The following LOC128092253 variants were observed in gnomAD, a reference collection of about 807,000 sequenced individuals.
At chr6:133,973,956 C>CAT in the LOC128092253 span, among the ~76,000 whole-genome samples, 1,483 of 142,450 alleles carry the variant, frequency 0.01, 19 homozygotes, top group African/African-American at 0.034. Flanking sequence ...TTAAACCTAA[C>CAT]ATATATATAT....
the LOC128092253 span, among the ~76,000 whole-genome samples, chr6:133,965,651 C>G: frequency 6.6e-6 from 1 of 150,954 alleles, no homozygotes; most frequent in East Asian, 1.9e-4. Context: ...GTGCTTTTTT[C>G]AGTACTCATT....
the LOC128092253 span, among the ~76,000 whole-genome samples, chr6:133,976,109 T>TAC: frequency 6.6e-6 from 1 of 152,212 alleles, no homozygotes; most frequent in African/African-American, 2.4e-5. Flanking sequence ...TCATGAATGT[T>TAC]GTGTCAAAGG....
At chr6:133,966,123 G>A in the LOC128092253 span, among the ~76,000 whole-genome samples, 9 of 151,998 alleles carry the variant, frequency 5.9e-5, no homozygotes, top group Non-Finnish European at 1.2e-4. Context: ...TGTGTGTGTC[G>A]TGTGGGTGTG....
the LOC128092253 span, among the ~76,000 whole-genome samples, chr6:133,972,197 A>C: frequency 6.6e-6 from 1 of 152,218 alleles, no homozygotes; most frequent in South Asian, 2.1e-4. Flanking sequence ...ATTTGAGTCT[A>C]CATCTCTAAA....
chr6:133,975,658 A>G, the LOC128092253 span, among the ~76,000 whole-genome samples: 2 of 152,246 alleles, frequency 1.3e-5, no homozygotes. Flanking sequence ...AGCAAACCAG[A>G]TTCATCAATA....
the LOC128092253 span, among the ~76,000 whole-genome samples, chr6:133,979,794 G>T: frequency 6.6e-6 from 1 of 151,942 alleles, no homozygotes; most frequent in Non-Finnish European, 1.5e-5. Context: ...TTACAGACAT[G>T]CACCATCATG....
the LOC128092253 span, among the ~76,000 whole-genome samples, chr6:133,960,239 C>A: frequency 6.6e-6 from 1 of 152,272 alleles, no homozygotes; most frequent in East Asian, 1.9e-4. Context: ...TTCATTAGAC[C>A]TTCCTCAACA....
chr6:133,972,938 C>T, the LOC128092253 span, among the ~76,000 whole-genome samples: 3 of 152,056 alleles, frequency 2.0e-5, no homozygotes, highest in East Asian at 1.9e-4. Flanking sequence ...ATTTAGAGAG[C>T]GGTTAGGTAA....
At chr6:133,976,900 G>A in the LOC128092253 span, among the ~76,000 whole-genome samples, 2 of 151,606 alleles carry the variant, frequency 1.3e-5, no homozygotes, top group Non-Finnish European at 2.9e-5. Context: ...TCCAGGAGGC[G>A]GAGGTTGCCG....
the LOC128092253 span, among the ~76,000 whole-genome samples, chr6:133,953,817 G>T: frequency 3.0e-4 from 45 of 152,292 alleles, no homozygotes; most frequent in African/African-American, 1.0e-3. Context: ...CAGGGGAAGA[G>T]GGACCGTGCA....
chr6:133,963,191 A>T, the LOC128092253 span, among the ~76,000 whole-genome samples: 151,161 of 152,322 alleles, frequency 0.99, 75,009 homozygotes, highest in East Asian at 1. Flanking sequence ...TGTTCTCTGA[A>T]AAACAGTACT....
At chr6:133,970,827 T>G in the LOC128092253 span, among the ~76,000 whole-genome samples, 6 of 152,204 alleles carry the variant, frequency 3.9e-5, no homozygotes, top group East Asian at 1.2e-3. Context: ...TTTTTTATTT[T>G]TTAATTGACA....
the LOC128092253 span, among the ~76,000 whole-genome samples, chr6:133,967,759 T>C: frequency 3.7e-3 from 567 of 152,312 alleles, 14 homozygotes; most frequent in Admixed American, 0.035. Flanking sequence ...AGGCAGCACA[T>C]GACTGTGTTT....
At chr6:133,962,104 TG>T in the LOC128092253 span, among the ~76,000 whole-genome samples, 1 of 152,162 alleles carries the variant, frequency 6.6e-6, no homozygotes, top group Non-Finnish European at 1.5e-5. Flanking sequence ...AGTCTGTTAT[TG>T]GAAGAGGAAT....
the LOC128092253 span, among the ~76,000 whole-genome samples, chr6:133,959,302 A>C: frequency 6.6e-6 from 1 of 151,484 alleles, no homozygotes; most frequent in South Asian, 2.1e-4. Context: ...AGCCTCCCGG[A>C]GTGCTGGGAT....
the LOC128092253 span, among the ~76,000 whole-genome samples, chr6:133,974,910 G>A: frequency 1.3e-5 from 2 of 152,138 alleles, no homozygotes; most frequent in African/African-American, 2.4e-5. Flanking sequence ...AATATCATTA[G>A]AATTAAGGGA....
At chr6:133,960,875 A>G in the LOC128092253 span, among the ~76,000 whole-genome samples, 1 of 152,224 alleles carries the variant, frequency 6.6e-6, no homozygotes, top group Non-Finnish European at 1.5e-5. Context: ...GAGGATGAGA[A>G]AAGGGAATAT....
At chr6:133,963,686 G>A in the LOC128092253 span, among the ~76,000 whole-genome samples, 1 of 151,976 alleles carries the variant, frequency 6.6e-6, no homozygotes, top group Non-Finnish European at 1.5e-5. Flanking sequence ...CTCCCAAAGT[G>A]CTGGGATTAC....
the LOC128092253 span, among the ~76,000 whole-genome samples, chr6:133,973,651 C>A: frequency 6.6e-6 from 1 of 152,040 alleles, no homozygotes; most frequent in South Asian, 2.1e-4. Flanking sequence ...AGAAAGAGGA[C>A]CAAAAATACA....
Sources: allele counts gnomAD v4.1 joint callset (sites outside exome capture counted in the v4.1 genomes callset), GRCh38; gene constraint gnomAD v4.1.1; transcripts MANE v1.5.